ARSB: variants seen among roughly 807,000 people sequenced by gnomAD.
The protein encoded by ARSB is N-acetylgalactosamine-4-sulfatase.
Under a neutral mutation model 50.9 loss-of-function variants are expected in ARSB, and 41 were observed. That is an observed-to-expected ratio of 0.81 (90% confidence interval 0.63 to 1.04). The LOEUF is 1.04. Among genes scored for constraint, ARSB ranks in the 50% least tolerant of loss-of-function variants. ARSB has a pLI of 0.00. For missense variants in ARSB, 672 were observed against 693.3 expected (o/e 0.97, Z 0.35); for synonymous variants, 269 against 284.8 (o/e 0.94, Z 0.56).
At chr5:78,881,305 T>C (rs1044982086) in intron 5 of ARSB, among the ~76,000 whole-genome samples, 4 of 151,826 alleles carry the variant, frequency 2.6e-5, no homozygotes, top group African/African-American at 9.7e-5. Context: ...AATAGATATT[T>C]AGCACATTTG....
intron 5 of ARSB, among the ~76,000 whole-genome samples, chr5:78,855,041 C>T (rs2112071286): frequency 6.6e-6 from 1 of 152,274 alleles, no homozygotes. Context: ...GGTATCTCAG[C>T]AGCTCAGACT....
chr5:78,882,608 G>A (rs1358265619), intron 5 of ARSB, among the ~76,000 whole-genome samples: 6 of 152,056 alleles, frequency 3.9e-5, no homozygotes, highest in Non-Finnish European at 5.9e-5. Flanking sequence ...GATTGAATGT[G>A]CAGTGACTGA....
At chr5:78,958,298 G>A (rs1751826061) in intron 3 of ARSB, among the ~76,000 whole-genome samples, 1 of 152,112 alleles carries the variant, frequency 6.6e-6, no homozygotes. Context: ...TTCTCATCCA[G>A]GTCATTAGCA....
rs2112483313 is a variant in ARSB at position 78,955,297 on chromosome 5, G to A, written c.896C>T (p.Thr299Ile). 6.2e-7 allele frequency: 1 copy of A among 1,614,124 alleles called. No homozygotes were observed. Among genetic ancestry groups the A allele is most frequent in the Non-Finnish European group, 8.5e-7 (1 of 1,180,002 alleles). Residue 299 changes from threonine (T) to isoleucine (I), a missense_variant and splice_region_variant, in exon 4 of 8, where the codon ACA (threonine) becomes ATA (isoleucine). Physicochemically the swap from Thr to Ile is moderately conservative, Grantham distance 89 (BLOSUM62 -1). Transcript: ENST00000264914. ...LWNNTVFIFS[T>I]DNGGQTLAGG... ...GATTTTCCTATTGACAGACTTACCT[G>A]TAGAAAAGATGAACACCGTGTTGTT... is the stretch of plus-strand genomic sequence containing the variant.
chr5:78,836,557 T>G (rs1744963258), intron 6 of ARSB, among the ~76,000 whole-genome samples: 1 of 152,204 alleles, frequency 6.6e-6, no homozygotes, highest in African/African-American at 2.4e-5. Context: ...GAAGTAAATG[T>G]CCTTACAGTC....
At position 78,941,516 on chromosome 5, in the gene ARSB, C is replaced by T. The variant is rs1194572401; in HGVS notation, c.898+13779G>A. ...AGGGTTGTTGAATTTTGTCAAAGGC[C>T]TTTTCTGCATCTATTGAGATAATCA... is the stretch of plus-strand genomic sequence containing the variant. On this transcript the variant is annotated intron_variant, in intron 4 of 7. Coordinates refer to ENST00000264914, the MANE Select transcript of ARSB (RefSeq NM_000046.5). 5.9e-5 allele frequency among the ~76,000 whole-genome samples: 9 copies of T among 152,210 alleles called. No individual in the cohort carries two copies. In the East Asian group the frequency reaches 1.7e-3, roughly 29 times the overall value.
intron 1 of ARSB, among the ~76,000 whole-genome samples, chr5:78,983,320 T>C (rs1007868490): frequency 6.6e-6 from 1 of 152,186 alleles, no homozygotes; most frequent in African/African-American, 2.4e-5. Context: ...TCCAAAGTGC[T>C]GGGATTACAG....
intron 5 of ARSB, among the ~76,000 whole-genome samples, chr5:78,875,077 C>A (rs1747423504): frequency 6.6e-6 from 1 of 152,192 alleles, no homozygotes; most frequent in Non-Finnish European, 1.5e-5. Context: ...TGCACCACTG[C>A]ACTCTAGCTT....
chr5:78,888,418 A>C (rs1465603096), intron 4 of ARSB, among the ~76,000 whole-genome samples: 1 of 152,344 alleles, frequency 6.6e-6, no homozygotes, highest in African/African-American at 2.4e-5. Flanking sequence ...AATACACTGG[A>C]AAGAAATACC....
At chr5:78,829,035 G>A (rs1744560801) in intron 6 of ARSB, among the ~76,000 whole-genome samples, 1 of 152,222 alleles carries the variant, frequency 6.6e-6, no homozygotes, top group Non-Finnish European at 1.5e-5. Context: ...GATGGAGGAA[G>A]GAGGCCATGG....
intron 4 of ARSB, among the ~76,000 whole-genome samples, chr5:78,946,523 T>C (rs139868512): frequency 7.9e-5 from 12 of 152,072 alleles, no homozygotes; most frequent in Non-Finnish European, 1.6e-4. Flanking sequence ...TAGCTACCAA[T>C]AAAATAAGAT....
At chr5:78,807,358 T>C (rs533226491) in intron 6 of ARSB, among the ~76,000 whole-genome samples, 10 of 152,326 alleles carry the variant, frequency 6.6e-5, no homozygotes, top group South Asian at 2.1e-4. Flanking sequence ...CATATGAAAG[T>C]GTCTTTCTTT....
At chr5:78,929,659 G>C (rs140131832) in intron 4 of ARSB, among the ~76,000 whole-genome samples, 1,640 of 152,016 alleles carry the variant, frequency 0.011, 29 homozygotes, top group African/African-American at 0.037. Flanking sequence ...CCAGTGTGGT[G>C]GTGGGTGCCT....
intron 1 of ARSB, among the ~76,000 whole-genome samples, chr5:78,970,868 G>A (rs1752424792): frequency 6.6e-6 from 1 of 151,898 alleles, no homozygotes; most frequent in Non-Finnish European, 1.5e-5. Flanking sequence ...GACTGAGGTG[G>A]GAGGATCACT....
intron 5 of ARSB, among the ~76,000 whole-genome samples, chr5:78,856,927 C>T (rs1746180984): frequency 1.3e-5 from 2 of 152,178 alleles, no homozygotes; most frequent in Admixed American, 6.5e-5. Flanking sequence ...GGGTGTGCAT[C>T]CCAACTCCAG....
intron 5 of ARSB, among the ~76,000 whole-genome samples, chr5:78,852,724 A>G (rs1314613874): frequency 7.2e-5 from 11 of 152,044 alleles, no homozygotes; most frequent in Admixed American, 1.3e-4. Context: ...CTTTTCACAT[A>G]GTCCCATATT....
chr5:78,971,239 T>G (rs1365172710), intron 1 of ARSB, among the ~76,000 whole-genome samples: 1 of 152,144 alleles, frequency 6.6e-6, no homozygotes, highest in African/African-American at 2.4e-5. Context: ...GTCTACCCAG[T>G]CCCACCCTTC....
rs34960858 is a variant in ARSB at position 78,892,248 on chromosome 5, C to CTTTTTTT, written c.899-6428_899-6422dup. On this transcript the variant is annotated intron_variant, in intron 4 of 7. Transcript: ENST00000264914. ...GTCCTCCTAGATTGCATTCTCTATT[C>CTTTTTTT]TTTTTTTTTTTTTTTTTTTTTTTTT... Among the ~76,000 whole-genome samples, 316 of 87,234 alleles carry CTTTTTTT rather than the reference C, an allele frequency of 3.6e-3. 2 individuals are homozygous for CTTTTTTT. The highest frequency in any genetic ancestry group is 4.7e-3 in the African/African-American group (89 of 19,106). The allele number at this position is 87,234 out of a possible 152,430, so 57.2% of individuals were successfully genotyped here.
chr5:78,891,310 C>T (rs892433146), intron 4 of ARSB, among the ~76,000 whole-genome samples: 3 of 152,188 alleles, frequency 2.0e-5, no homozygotes, highest in Non-Finnish European at 2.9e-5. Flanking sequence ...TCTTGGACCC[C>T]AGTGAGAATT....
Sources: allele counts gnomAD v4.1 joint callset (sites outside exome capture counted in the v4.1 genomes callset), GRCh38; gene constraint gnomAD v4.1.1; transcripts MANE v1.5; gene names NCBI Gene and HGNC (gene_info 2026-07-23, HGNC 2026-07-21).